Variants in APOBR observed in about 807,000 individuals in gnomAD.
APOBR encodes the protein apolipoprotein B receptor.
APOBR carries 57 observed loss-of-function variants against 88.5 expected under a neutral mutation model. That is an observed-to-expected ratio of 0.64 (90% CI 0.52 to 0.80). The LOEUF is 0.80. Ranked by LOEUF, APOBR falls within the 30% of genes least tolerant of loss-of-function variation. The pLI, the probability that APOBR is intolerant of heterozygous loss-of-function variation, is 0.00. For missense variants in APOBR, 1,443 were observed against 1,401.6 expected, an observed-to-expected ratio of 1.03 and a Z score of -0.47; for synonymous variants, 588 against 572.7, an observed-to-expected ratio of 1.03 and a Z score of -0.38.
In APOBR at chr16:28,497,749, G is replaced by T; in HGVS notation, c.2708G>T (p.Arg903Leu). ...GAACAGAGGGAAGACAGTGAGGGGC[G>T]GTGTGGGGACTACCACCCTGAGGGA... ...EREQREDSEG[R>L]CGDYHPEGEA... The change falls in exon 2 of 4, where the codon CGG becomes CTG. Residue 903 changes from arginine (R) to leucine (L), a missense_variant. Transcript: ENST00000564831. 6.2e-7 allele frequency: 1 copy of T among 1,604,220 alleles called. No individual in the cohort carries two copies. Among genetic ancestry groups the T allele is most frequent in the South Asian group, 1.1e-5 (1 of 89,540 alleles).
At chr16:28,494,844 C>T in intron 1 of APOBR, 106 bp downstream of exon 1, 20 of 1,156,646 alleles carry the variant, frequency 1.7e-5, no homozygotes, top group Non-Finnish European at 2.3e-5. Flanking sequence ...TTCTGATCTC[C>T]TCAAACTGGA....
rs2046412322 is a variant in APOBR at position 28,498,686 on chromosome 16, A to G, written c.*181A>G. On this transcript the variant is annotated 3_prime_UTR_variant, in exon 4 of 4. Coordinates refer to ENST00000564831, the MANE Select transcript of APOBR (RefSeq NM_018690.4). ...AGACGTCTGGGAAGACCGTGAACTTAAGGAGTCTGATTCTCCGACACAGGC... is the reference window on the plus strand; with the variant it reads ...AGACGTCTGGGAAGACCGTGAACTTGAGGAGTCTGATTCTCCGACACAGGC... 1 of 708,104 alleles carries G rather than the reference A, an allele frequency of 1.4e-6. No homozygotes were observed. Among genetic ancestry groups the G allele is most frequent in the Non-Finnish European group, 2.3e-6 (1 of 434,706 alleles). The allele number at this position is 708,104 out of a possible 1,614,324, so 43.9% of individuals were successfully genotyped here. A position where few individuals can be genotyped will look rare whatever the true frequency, so the allele number is the denominator to read the frequency against.
chr16:28,494,733 G>C lies in APOBR; in HGVS notation c.52G>C (p.Ala18Pro). The change falls in exon 1 of 4, where the codon GCA becomes CCA. Residue 18 changes from alanine to proline, a missense_variant. Physicochemically the swap from Ala to Pro is conservative, Grantham distance 27. Transcript: ENST00000564831. ...LPGLHQALRGALDSLGTFVSY... is the reference protein window; with the variant it reads ...LPGLHQALRGPLDSLGTFVSY... The stretch of plus-strand genomic sequence containing the variant: ...TGGGCTGCACCAGGCCTTGAGGGGG[G>C]CACTGGTGAGAAGGGCAGACAGCTG... The C allele has an allele frequency of 1.2e-6, 2 of 1,610,310 alleles. No individual in the cohort carries two copies. Among genetic ancestry groups the C allele is most frequent in the Admixed American group, 1.7e-5 (1 of 59,202 alleles).
In APOBR at chr16:28,496,481, C is replaced by T. The variant is rs372934016; in HGVS notation, c.1440C>T (p.Ala480=). ...AEMRQDLGIR[A]DRARMEELVQ... is the part of the protein sequence containing the mutation. ...TGAGGCAGGACTTGGGGATCAGGGC[C>T]GACCGGGCCAGGATGGAAGAGCTGG... The change falls in exon 2 of 4, where the codon GCC becomes GCT. Residue 480 remains alanine (A), a synonymous_variant. Transcript: ENST00000564831. 1.1e-4 allele frequency: 170 copies of T among 1,605,054 alleles called. No homozygotes were observed. Among genetic ancestry groups the T allele is most frequent in the Non-Finnish European group, 1.2e-4 (141 of 1,175,710 alleles).
chr16:28,494,841 C>A (rs1348658023), intron 1 of APOBR, 103 bp downstream of exon 1: 18 of 1,159,806 alleles, frequency 1.6e-5, no homozygotes, highest in Non-Finnish European at 2.1e-5. Flanking sequence ...TCCTTCTGAT[C>A]TCCTCAAACT....
At chr16:28,494,916 C>A in intron 1 of APOBR, 178 bp downstream of exon 1, 1 of 844,920 alleles carries the variant, frequency 1.2e-6, no homozygotes, top group Non-Finnish European at 1.8e-6. Context: ...CAGTCCCCAC[C>A]TCCAACCATG....
In APOBR at chr16:28,498,939, A is replaced by G. The variant is rs2046414360; in HGVS notation, c.*434A>G. The G allele has an allele frequency of 9.0e-6, 4 of 446,324 alleles. No individual in the cohort carries two copies. The highest frequency in any genetic ancestry group is 5.5e-5 in the South Asian group (3 of 54,632). 27.6% of individuals were successfully genotyped at this position (446,324 alleles called of 1,614,324 possible). On this transcript the variant is annotated 3_prime_UTR_variant, in exon 4 of 4. Coordinates refer to ENST00000564831, the MANE Select transcript of APOBR (RefSeq NM_018690.4). The stretch of plus-strand genomic sequence containing the variant: ...TCTTTTAAAAACAAAATAAAACAAT[A>G]AAGACTGCAAGGAAGACTGAGGGAA...
At position 28,497,049 on chromosome 16, in the gene APOBR, C is replaced by CTA. The variant is rs1567268583; in HGVS notation, c.2010_2011dup (p.Ser671TyrfsTer12). ...GGCTGAAGGAGACCGAGAGTCTGAA[C>CTA]TATCAGAAGTCCCAGAGGCAGGCGG... On this transcript the variant is annotated frameshift_variant, in exon 2 of 4. Coordinates refer to ENST00000564831, the MANE Select transcript of APOBR (RefSeq NM_018690.4). LOFTEE classifies it high-confidence loss of function. 5.7e-6 allele frequency: 9 copies of CTA among 1,589,332 alleles called. No homozygotes were observed. The highest frequency in any genetic ancestry group is 6.8e-6 in the Non-Finnish European group (8 of 1,168,626).
chr16:28,498,292 G>C lies in APOBR; in HGVS notation c.3167G>C (p.Ser1056Thr). The C allele has an allele frequency of 6.2e-7, 1 of 1,602,836 alleles. No individual in the cohort carries two copies. Among genetic ancestry groups the C allele is most frequent in the South Asian group, 1.1e-5 (1 of 89,088 alleles). ...PLQLEEPLEPSPLRHDGTPVP... is the reference protein window; with the variant it reads ...PLQLEEPLEPTPLRHDGTPVP... ...CAGCTGGAGGAACCCCTGGAGCCAA[G>C]CCCTCTGAGGCATGATGGGACCCCG... is the stretch of plus-strand genomic sequence containing the variant. The change falls in exon 3 of 4, where the codon AGC becomes ACC. Residue 1056 changes from serine (S) to threonine (T), a missense_variant. Ser to Thr is a moderately conservative substitution (Grantham distance 58, BLOSUM62 1). Coordinates refer to ENST00000564831, the MANE Select transcript of APOBR (RefSeq NM_018690.4).
In APOBR at chr16:28,497,308, A is replaced by T. The variant is rs1410021863; in HGVS notation, c.2267A>T (p.Gln756Leu). 1 of 1,600,450 alleles carries T rather than the reference A, an allele frequency of 6.2e-7. No individual in the cohort carries two copies. The highest frequency in any genetic ancestry group is 8.5e-7 in the Non-Finnish European group (1 of 1,173,920). Reference protein sequence around the residue: ...AVGLPDREDAQTGSVAAGIMG... With the variant: ...AVGLPDREDALTGSVAAGIMG... ...GGCCTCCCGGACCGTGAGGATGCAC[A>T]GACTGGCTCTGTGGCTGCTGGGATT... is the stretch of plus-strand genomic sequence containing the variant. Residue 756 changes from glutamine to leucine, a missense_variant, in exon 2 of 4, where the codon CAG becomes CTG. Coordinates refer to ENST00000564831, the MANE Select transcript of APOBR (RefSeq NM_018690.4).
chr16:28,498,646 G>A lies in APOBR; in HGVS notation c.*141G>A. 2 of 993,486 alleles carry A rather than the reference G, an allele frequency of 2.0e-6. No homozygotes were observed. Among genetic ancestry groups the A allele is most frequent in the Non-Finnish European group, 2.9e-6 (2 of 689,986 alleles). 61.5% of individuals were successfully genotyped at this position (993,486 alleles called of 1,614,324 possible). A position where few individuals can be genotyped will look rare whatever the true frequency, so the allele number is the denominator to read the frequency against. The stretch of plus-strand genomic sequence containing the variant: ...CTCAGTGTCTTGATGTATCATTCAT[G>A]GAGCAGGCAAAACCAGACGTCTGGG... On this transcript the variant is annotated 3_prime_UTR_variant, in exon 4 of 4. Transcript: ENST00000564831.
In APOBR at chr16:28,496,718, C is replaced by T. The variant is rs767802667; in HGVS notation, c.1677C>T (p.Thr559=). Residue 559 remains threonine (T), a synonymous_variant, in exon 2 of 4, where the codon ACC becomes ACT. Transcript: ENST00000564831. ...GGGGTGGCCTCACACACAGCGTCAC[C>T]AAAGGCCAAGGACCTGAGCTGATGG... ...VEWGGLTHSV[T]KGQGPELMGG... 6.2e-7 allele frequency: 1 copy of T among 1,600,416 alleles called. No homozygotes were observed. Among genetic ancestry groups the T allele is most frequent in the Non-Finnish European group, 8.5e-7 (1 of 1,174,002 alleles).
rs775282556 is a variant in APOBR at position 28,495,756 on chromosome 16, C to T, written c.715C>T (p.Pro239Ser). The T allele has an allele frequency of 3.2e-6, 5 of 1,551,684 alleles. No individual in the cohort carries two copies. The highest frequency in any genetic ancestry group is 4.4e-6 in the Non-Finnish European group (5 of 1,148,020). ...GGCAGATGCAGGGGAAACTGAGGAG[C>T]CTGGGGCCGAAGGGGCTGGGAAAGG... ...READAGETEE[P>S]GAEGAGKGEE... Residue 239 changes from proline to serine, a missense_variant, in exon 2 of 4, where the codon CCT (proline) becomes TCT (serine). Coordinates refer to ENST00000564831, the MANE Select transcript of APOBR (RefSeq NM_018690.4).
rs924361001 is a variant in APOBR, at chr16:28,495,341, C to T, written c.300C>T (p.Thr100=). Residue 100 remains threonine (T), a synonymous_variant, in exon 2 of 4, where the codon ACC becomes ACT. Transcript: ENST00000564831. ...HEVGSSAVEQ[T]WGWGDGSSHG... ...TGGGGAGCTCAGCTGTAGAACAGACCTGGGGCTGGGGAGATGGCAGCTCCC... is the reference window on the plus strand; with the variant it reads ...TGGGGAGCTCAGCTGTAGAACAGACTTGGGGCTGGGGAGATGGCAGCTCCC... 2 of 1,556,108 alleles carry T rather than the reference C, an allele frequency of 1.3e-6. No homozygotes were observed. Among genetic ancestry groups the T allele is most frequent in the Non-Finnish European group, 1.7e-6 (2 of 1,150,860 alleles).
rs369564976 is a variant in APOBR at position 28,497,066 on chromosome 16, G to C, written c.2025G>C (p.Glu675Asp). 8 of 1,592,190 alleles carry C rather than the reference G, an allele frequency of 5.0e-6. No homozygotes were observed. Among genetic ancestry groups the C allele is most frequent in the Middle Eastern group, 1.6e-4 (1 of 6,062 alleles). The change falls in exon 2 of 4, where the codon GAG (glutamate) becomes GAC (aspartate). Residue 675 changes from glutamate (E) to aspartate (D), a missense_variant. By Grantham distance (45) the Glu-to-Asp change is conservative (BLOSUM62 2). Transcript: ENST00000564831. ...AGTCTGAACTATCAGAAGTCCCAGA[G>C]GCAGGCGGGGAGGGGCTGACAACCC... ...DRESELSEVPEAGGEGLTTQD... is the reference protein window; with the variant it reads ...DRESELSEVPDAGGEGLTTQD...
At position 28,497,845 on chromosome 16, in the gene APOBR, C is replaced by T; in HGVS notation, c.2804C>T (p.Thr935Ile). 6.2e-7 allele frequency: 1 copy of T among 1,610,758 alleles called. No homozygotes were observed. The highest frequency in any genetic ancestry group is 8.5e-7 in the Non-Finnish European group (1 of 1,178,602). ...GGCCGGAGGGCAGAGGCCAAGGAGA[C>T]TGAGCCAGAAAGCCTGGAACATGTC... ...TGGRRAEAKE[T>I]EPESLEHVRG... Residue 935 changes from threonine to isoleucine, a missense_variant, in exon 2 of 4, where the codon ACT (threonine) becomes ATT (isoleucine). Physicochemically the swap from Thr to Ile is moderately conservative, Grantham distance 89. Transcript: ENST00000564831.
chr16:28,497,012 C>T lies in APOBR; in HGVS notation c.1971C>T (p.Thr657=). The T allele has an allele frequency of 6.3e-7, 1 of 1,574,930 alleles. No homozygotes were observed. The highest frequency in any genetic ancestry group is 8.6e-7 in the Non-Finnish European group (1 of 1,160,962). ...AGGAGGAGACTGCGGGAGGCCAGAC[C>T]CTGGCGGCTGAGGCTGAAGGAGACC... ...REEEETAGGQ[T]LAAEAEGDRE... is the part of the protein sequence containing the mutation. Residue 657 remains threonine (T), a synonymous_variant, in exon 2 of 4, where the codon ACC becomes ACT. Coordinates refer to ENST00000564831, the MANE Select transcript of APOBR (RefSeq NM_018690.4).
In APOBR at chr16:28,496,426, AGGTAGACCTGCGT is replaced by A; in HGVS notation, c.1390_1402del (p.Asp464ArgfsTer5). On this transcript the variant is annotated frameshift_variant, in exon 2 of 4. Coordinates refer to ENST00000564831, the MANE Select transcript of APOBR (RefSeq NM_018690.4). LOFTEE classifies it high-confidence loss of function. ...GAGGCAGGGGAGAGCTTTGAGGGCC[AGGTAGACCTGCGT>A]GGTAAGGAGGCTGAGATGAGGCAGG... is the stretch of plus-strand genomic sequence containing the variant. The A allele has an allele frequency of 6.2e-7, 1 of 1,612,312 alleles. No individual in the cohort carries two copies. The highest frequency in any genetic ancestry group is 8.5e-7 in the Non-Finnish European group (1 of 1,179,214).
Position 28,495,422 on chromosome 16 carries a change from C to G in APOBR, c.381C>G (p.Ala127=). 1 of 1,561,078 alleles carries G rather than the reference C, an allele frequency of 6.4e-7. No individual in the cohort carries two copies. The highest frequency in any genetic ancestry group is 8.7e-7 in the Non-Finnish European group (1 of 1,152,966). The change falls in exon 2 of 4, where the codon GCC becomes GCG. Residue 127 remains alanine, a synonymous_variant. Coordinates refer to ENST00000564831, the MANE Select transcript of APOBR (RefSeq NM_018690.4). ...DSGAGETAKA[A]RCQEPSAHLE... is the part of the protein sequence containing the mutation. ...GGGCTGGGGAGACAGCCAAGGCTGC[C>G]AGGTGCCAGGAGCCAAGCGCCCACT... is the stretch of plus-strand genomic sequence containing the variant.
Sources: allele counts gnomAD v4.1 joint callset, GRCh38; gene constraint gnomAD v4.1.1; transcripts MANE v1.5; gene names NCBI Gene and HGNC (gene_info 2026-07-23, HGNC 2026-07-21).